RORA: variants seen among roughly 807,000 people sequenced by gnomAD.
The protein encoded by RORA is RAR related orphan receptor A.
RORA carries 7 observed loss-of-function variants against 69.5 expected under a neutral mutation model. That is an observed-to-expected ratio of 0.10 (90% CI 0.06 to 0.19). RORA has a LOEUF of 0.19. RORA is among the 10% of genes least tolerant of loss of function. The pLI, the probability that RORA is intolerant of heterozygous loss-of-function variation, is 1.00. For missense variants in RORA, 457 were observed against 663.0 expected, an observed-to-expected ratio of 0.69 and a Z score of 3.41; for synonymous variants, 261 against 240.8, an observed-to-expected ratio of 1.08 and a Z score of -0.78.
intron 1 of RORA, among the ~76,000 whole-genome samples, chr15:61,010,718 T>C (rs1403740): frequency 0.99 from 151,282 of 152,326 alleles, 75,134 homozygotes; most frequent in Middle Eastern, 1. Context: ...AAAACATCAA[T>C]GAAGTCATAT....
chr15:60,963,655 T>C (rs748879386), intron 1 of RORA, among the ~76,000 whole-genome samples: 1 of 152,230 alleles, frequency 6.6e-6, no homozygotes, highest in Non-Finnish European at 1.5e-5. Flanking sequence ...CTCAGCTTCA[T>C]CTGAAGCCCT....
intron 1 of RORA, among the ~76,000 whole-genome samples, chr15:60,819,182 A>G (rs951798852): frequency 2.0e-5 from 3 of 152,250 alleles, no homozygotes; most frequent in Non-Finnish European, 2.9e-5. Flanking sequence ...CTGGAACTGT[A>G]GTCCTTGAAA....
chr15:61,206,093 CCTAA>C (rs2079938548), intron 1 of RORA, among the ~76,000 whole-genome samples: 2 of 152,138 alleles, frequency 1.3e-5, no homozygotes, highest in African/African-American at 4.8e-5. Context: ...AATAAGAGCT[CCTAA>C]CTATTGTGAA....
intron 1 of RORA, among the ~76,000 whole-genome samples, chr15:60,881,766 G>A (rs951277787): frequency 3.9e-5 from 6 of 152,162 alleles, no homozygotes; most frequent in Non-Finnish European, 7.3e-5. Flanking sequence ...CCTCAAACCA[G>A]GGGGCCATTC....
chr15:60,592,309 C>A, intron 2 of RORA: 3 of 1,086,594 alleles, frequency 2.8e-6, no homozygotes, highest in Non-Finnish European at 3.6e-6. Flanking sequence ...GGCGCGCCCA[C>A]CCCTCCCCCT....
intron 2 of RORA, chr15:60,556,808 G>T: frequency 7.0e-7 from 1 of 1,435,782 alleles, no homozygotes; most frequent in Non-Finnish European, 9.7e-7. Context: ...AAAAGCCTTC[G>T]TAAATGAAGA....
chr15:60,499,819 T>C, intron 10 of RORA, 73 bp downstream of exon 10: 1 of 796,654 alleles, frequency 1.3e-6, no homozygotes, highest in East Asian at 2.6e-5. Flanking sequence ...ATGACTTACA[T>C]GACCATATTG....
intron 2 of RORA, among the ~76,000 whole-genome samples, chr15:60,644,144 A>G (rs971217296): frequency 1.3e-5 from 2 of 152,206 alleles, no homozygotes; most frequent in Non-Finnish European, 2.9e-5. Flanking sequence ...GCTCTTTGTA[A>G]CATTTCTTAT....
chr15:60,655,427 G>T (rs911242496), intron 2 of RORA, among the ~76,000 whole-genome samples: 3 of 152,152 alleles, frequency 2.0e-5, no homozygotes, highest in Non-Finnish European at 4.4e-5. Context: ...GCACTTAGCG[G>T]CCAATTGCTT....
chr15:61,044,242 T>A (rs1046395564), intron 1 of RORA, among the ~76,000 whole-genome samples: 3 of 152,206 alleles, frequency 2.0e-5, no homozygotes, highest in African/African-American at 7.2e-5. Context: ...TTCATGCCTT[T>A]CAGACTGCTC....
intron 1 of RORA, among the ~76,000 whole-genome samples, chr15:60,692,272 C>T (rs1355303865): frequency 2.0e-5 from 3 of 152,094 alleles, no homozygotes; most frequent in Non-Finnish European, 2.9e-5. Context: ...TGCATAATCC[C>T]AATTGTAAAT....
intron 1 of RORA, among the ~76,000 whole-genome samples, chr15:60,746,902 G>T (rs1383916615): frequency 6.6e-6 from 1 of 152,176 alleles, no homozygotes; most frequent in East Asian, 1.9e-4. Context: ...ATTTCCAGTG[G>T]GGAAGAGTCG....
intron 1 of RORA, among the ~76,000 whole-genome samples, chr15:60,818,656 T>A (rs2072848893): frequency 6.6e-6 from 1 of 152,216 alleles, no homozygotes; most frequent in Non-Finnish European, 1.5e-5. Context: ...AAAAAGAAAC[T>A]TAGCACACAG....
chr15:61,207,838 T>C (rs546336907), intron 1 of RORA, among the ~76,000 whole-genome samples: 15 of 152,350 alleles, frequency 9.8e-5, no homozygotes, highest in African/African-American at 3.4e-4. Context: ...CAGGCTGTCA[T>C]TGGGAAAGCT....
Position 60,493,836 on chromosome 15 carries a change from C to CT in RORA, c.*3618dup, listed in dbSNP as rs1286965702. ...AGACAAGGCTTTGTATAGAATAAAT[C>CT]TTTTTTTCCCCATCTTCTAGTTTTG... On this transcript the variant is annotated 3_prime_UTR_variant, in exon 11 of 11. Coordinates refer to ENST00000335670, the MANE Select transcript of RORA (RefSeq NM_134261.3). The CT allele has an allele frequency of 6.6e-6, 1 of 151,924 alleles. No homozygotes were observed. Among genetic ancestry groups the CT allele is most frequent in the Non-Finnish European group, 1.5e-5 (1 of 67,982 alleles). The allele number at this position is 151,924 out of a possible 1,614,324, so 9.4% of individuals were successfully genotyped here.
intron 2 of RORA, among the ~76,000 whole-genome samples, chr15:60,536,849 C>A (rs2066696157): frequency 6.6e-6 from 1 of 152,172 alleles, no homozygotes; most frequent in African/African-American, 2.4e-5. Context: ...GCCTATCTAT[C>A]TTTTACACAG....
intron 1 of RORA, among the ~76,000 whole-genome samples, chr15:61,198,486 T>C (rs1280504735): frequency 6.6e-6 from 1 of 152,154 alleles, no homozygotes; most frequent in African/African-American, 2.4e-5. Flanking sequence ...TAGGAGGATA[T>C]GCCAACAAAA....
chr15:60,964,475 T>C (rs1321272904), intron 1 of RORA, among the ~76,000 whole-genome samples: 1 of 152,088 alleles, frequency 6.6e-6, no homozygotes, highest in Non-Finnish European at 1.5e-5. Flanking sequence ...AGGGTGGGGA[T>C]GGAGCAGAGG....
intron 6 of RORA, among the ~76,000 whole-genome samples, chr15:60,503,911 T>C (rs1331091177): frequency 6.6e-6 from 1 of 152,160 alleles, no homozygotes; most frequent in African/African-American, 2.4e-5. Flanking sequence ...CAAGTGATTG[T>C]CCTGCCTCAG....
Sources: gnomAD v4.1 joint callset for allele counts (sites outside exome capture counted in the v4.1 genomes callset) on GRCh38, gnomAD v4.1.1 for gene constraint, MANE v1.5 for transcripts, NCBI Gene and HGNC (gene_info 2026-07-23, HGNC 2026-07-21) for gene names.